TMOD2: variants seen among roughly 807,000 people sequenced by gnomAD.
The protein encoded by TMOD2 is tropomodulin 2.
In TMOD2, 22 loss-of-function variants were observed where a neutral mutation model predicts 39.9. The observed-to-expected ratio is 0.55, with a 90% confidence interval of 0.39 to 0.79. TMOD2 has a LOEUF of 0.79. TMOD2 is among the 30% of genes least tolerant of loss of function. The pLI is 0.00. For missense variants in TMOD2, 386 were observed against 413.3 expected, an observed-to-expected ratio of 0.93 and a Z score of 0.57; for synonymous variants, 123 against 146.1, an observed-to-expected ratio of 0.84 and a Z score of 1.14.
chr15:51,768,458 CT>C, intron 3 of TMOD2, 40 bp downstream of exon 3: 28 of 1,499,760 alleles, frequency 1.9e-5, no homozygotes, highest in South Asian at 1.2e-4. Flanking sequence ...CAGAGGTTCT[CT>C]CTTTTTTTTT....
At chr15:51,795,577 GCTTTCTTTCTTTCTTTCTTTCTTTCTTT>G (rs202116010) in intron 7 of TMOD2, among the ~76,000 whole-genome samples, 11 of 42,076 alleles carry the variant, frequency 2.6e-4, no homozygotes, top group Non-Finnish European at 5.4e-4. Context: ...TTGCTTGCTT[GCTTTCTTTCTTTCTTTCTTTCTTTCTTT>G]CTTTCTTTCT....
intron 8 of TMOD2, among the ~76,000 whole-genome samples, chr15:51,803,259 C>T (rs1249865757): frequency 6.7e-6 from 1 of 149,464 alleles, no homozygotes; most frequent in African/African-American, 2.5e-5. Context: ...CGGCTCACTG[C>T]AACCTCCGCC....
At chr15:51,782,101 A>C (rs893744902) in intron 6 of TMOD2, among the ~76,000 whole-genome samples, 3 of 152,212 alleles carry the variant, frequency 2.0e-5, no homozygotes, top group Non-Finnish European at 4.4e-5. Context: ...ACTGTGCTAA[A>C]TGATCTAGAA....
chr15:51,753,862 G>A (rs868339454), intron 1 of TMOD2, among the ~76,000 whole-genome samples: 1 of 152,050 alleles, frequency 6.6e-6, no homozygotes, highest in Non-Finnish European at 1.5e-5. Context: ...AATGTTTATT[G>A]TACTATTCTT....
At chr15:51,765,142 A>C (rs1217807528) in intron 1 of TMOD2, among the ~76,000 whole-genome samples, 2 of 152,156 alleles carry the variant, frequency 1.3e-5, no homozygotes, top group Non-Finnish European at 2.9e-5. Flanking sequence ...CTGGGACTAC[A>C]GGCACATGCC....
chr15:51,785,258 A>G, intron 7 of TMOD2, among the ~76,000 whole-genome samples: 1 of 151,074 alleles, frequency 6.6e-6, no homozygotes, highest in South Asian at 2.1e-4. Flanking sequence ...TAAAAATACA[A>G]AAAATTAGCC....
chr15:51,816,177 G>C lies in TMOD2; in HGVS notation c.*7723G>C, dbSNP rs1303090462. Reference sequence around the variant, plus strand: ...TTCAGGACCCCAGTTGGCCCAAATAGGTGCAATTTTTAATCCTTTGAAATT... The same window carrying C: ...TTCAGGACCCCAGTTGGCCCAAATACGTGCAATTTTTAATCCTTTGAAATT... On this transcript the variant is annotated 3_prime_UTR_variant, in exon 10 of 10. Coordinates refer to ENST00000249700, the MANE Select transcript of TMOD2 (RefSeq NM_014548.4). The C allele has an allele frequency of 6.6e-6, 1 of 152,146 alleles. No homozygotes were observed. The highest frequency in any genetic ancestry group is 1.5e-5 in the Non-Finnish European group (1 of 68,022). The allele number at this position is 152,146 out of a possible 1,614,324, so 9.4% of individuals were successfully genotyped here. A position where few individuals can be genotyped will look rare whatever the true frequency, so the allele number is the denominator to read the frequency against.
chr15:51,790,200 A>G (rs778710504), intron 7 of TMOD2, among the ~76,000 whole-genome samples: 19 of 152,342 alleles, frequency 1.2e-4, no homozygotes, highest in African/African-American at 4.1e-4. Context: ...CAGAAATACA[A>G]ACTATCATCA....
chr15:51,772,804 G>C (rs1338245602), intron 3 of TMOD2, among the ~76,000 whole-genome samples: 1 of 152,152 alleles, frequency 6.6e-6, no homozygotes, highest in East Asian at 1.9e-4. Context: ...TCCCAATTTA[G>C]AGGGAGCGCT....
intron 5 of TMOD2, among the ~76,000 whole-genome samples, chr15:51,778,022 A>G (rs2055900884): frequency 6.6e-6 from 1 of 151,652 alleles, no homozygotes; most frequent in Non-Finnish European, 1.5e-5. Context: ...ATGCTGCTAT[A>G]AAGACACATG....
chr15:51,795,126 AAG>A (rs2056038774), intron 7 of TMOD2, among the ~76,000 whole-genome samples: 1 of 152,068 alleles, frequency 6.6e-6, no homozygotes, highest in Non-Finnish European at 1.5e-5. Flanking sequence ...CTGTTCACTT[AAG>A]AGTCATTTTG....
chr15:51,754,132 C>G (rs1595858847), intron 1 of TMOD2, among the ~76,000 whole-genome samples: 1 of 152,138 alleles, frequency 6.6e-6, no homozygotes. Context: ...ACCCCATCCT[C>G]TAGCTTCAAC....
chr15:51,778,400 T>C (rs1472697877), intron 5 of TMOD2, among the ~76,000 whole-genome samples: 2 of 148,738 alleles, frequency 1.3e-5, no homozygotes, highest in Non-Finnish European at 3.0e-5. Context: ...GACGAGTTAA[T>C]GGGTGCAGCA....
At chr15:51,777,565 A>G (rs1231148913) in intron 5 of TMOD2, among the ~76,000 whole-genome samples, 2 of 152,192 alleles carry the variant, frequency 1.3e-5, no homozygotes, top group Non-Finnish European at 2.9e-5. Context: ...AACGTTTCCT[A>G]TAGACGTGTA....
intron 7 of TMOD2, chr15:51,783,869 G>A (rs1359144548): frequency 6.6e-6 from 1 of 152,130 alleles, no homozygotes; most frequent in Non-Finnish European, 1.5e-5. Context: ...GAAGCCCCTT[G>A]TCCCAGGTAA....
At chr15:51,772,524 G>C (rs1011962420) in intron 3 of TMOD2, among the ~76,000 whole-genome samples, 1 of 152,096 alleles carries the variant, frequency 6.6e-6, no homozygotes, top group African/African-American at 2.4e-5. Flanking sequence ...TGGGAGTTAG[G>C]GAATAGATAT....
chr15:51,781,588 A>C (rs1028477849), intron 6 of TMOD2, among the ~76,000 whole-genome samples: 5 of 152,214 alleles, frequency 3.3e-5, no homozygotes, highest in African/African-American at 1.2e-4. Flanking sequence ...CTGGGGCAGG[A>C]GGATCCAGTT....
intron 1 of TMOD2, among the ~76,000 whole-genome samples, chr15:51,753,245 G>A (rs1191591459): frequency 6.6e-6 from 1 of 152,176 alleles, no homozygotes; most frequent in Non-Finnish European, 1.5e-5. Flanking sequence ...TTGAGTGAAA[G>A]GTGGTTGGGG....
intron 1 of TMOD2, among the ~76,000 whole-genome samples, chr15:51,758,208 A>T (rs59946322): frequency 1.3e-5 from 2 of 152,086 alleles, no homozygotes; most frequent in South Asian, 2.1e-4. Flanking sequence ...TTGACACAAC[A>T]TAGGCAATTT....
Sources: allele counts gnomAD v4.1 joint callset (sites outside exome capture counted in the v4.1 genomes callset), GRCh38; gene constraint gnomAD v4.1.1; transcripts MANE v1.5; gene names NCBI Gene and HGNC (gene_info 2026-07-23, HGNC 2026-07-21).